The following CACNA1S variants were observed in gnomAD, a reference collection of about 807,000 sequenced individuals.
CACNA1S encodes calcium voltage-gated channel subunit alpha1 S.
A neutral mutation model predicts 207.4 loss-of-function variants in CACNA1S; 126 were observed. The ratio of observed to expected loss-of-function variants is 0.61; its 90% confidence interval spans 0.53 to 0.70. CACNA1S has a LOEUF of 0.70. CACNA1S is among the 30% of genes least tolerant of loss of function. The pLI is 0.00. For synonymous variants in CACNA1S, 960 were observed against 932.7 expected, an observed-to-expected ratio of 1.03 and a Z score of -0.53; for missense variants, 2,349 against 2,422.8, an observed-to-expected ratio of 0.97 and a Z score of 0.64.
At position 201,074,585 on chromosome 1, in the gene CACNA1S, C is replaced by G; in HGVS notation, c.1984G>C (p.Asp662His). ...LLNVFLAIAV[D>H]NLAEAESLTS... ...AGGCTCTCCGCCTCGGCCAGGTTGT[C>G]CACGGCAATGGCCAGGAAGACATTG... is the stretch of plus-strand genomic sequence containing the variant. Residue 662 changes from aspartate (D) to histidine (H), a missense_variant, in exon 14 of 44, where the codon GAC becomes CAC. Asp to His is a moderately conservative substitution (Grantham distance 81). Transcript: ENST00000362061. 6.2e-7 allele frequency: 1 copy of G among 1,613,846 alleles called. No individual in the cohort carries two copies. The highest frequency in any genetic ancestry group is 8.5e-7 in the Non-Finnish European group (1 of 1,179,784).
At chr1:201,106,706 C>G (rs1662906734) in intron 2 of CACNA1S, among the ~76,000 whole-genome samples, 1 of 152,186 alleles carries the variant, frequency 6.6e-6, no homozygotes, top group South Asian at 2.1e-4. Flanking sequence ...CCCCTCCACC[C>G]TCACCATCCC....
In CACNA1S at chr1:201,053,663, T is replaced by G. The variant is rs1283519478; in HGVS notation, c.3667-76A>C. 16 of 1,460,992 alleles carry G rather than the reference T, an allele frequency of 1.1e-5. No individual in the cohort carries two copies. The highest frequency in any genetic ancestry group is 1.4e-5 in the Non-Finnish European group (15 of 1,050,062). 90.5% of individuals were successfully genotyped at this position (1,460,992 alleles called of 1,614,324 possible). ...GTAAGGGGCAGGGCGGGGAGGGAGG[T>G]GCACTGTGTGTTTTGGGGAGATGTT... On this transcript the variant is annotated intron_variant, in intron 29 of 43. Coordinates refer to ENST00000362061, the MANE Select transcript of CACNA1S (RefSeq NM_000069.3). This position sits in a 1 kb window ranked among gnomAD's most constrained non-coding sequence, Gnocchi z 5.1.
At chr1:201,105,387 G>A (rs749990198) in intron 2 of CACNA1S, among the ~76,000 whole-genome samples, 7 of 152,180 alleles carry the variant, frequency 4.6e-5, no homozygotes, top group Non-Finnish European at 1.5e-5. Flanking sequence ...CCTCTCTCAA[G>A]TATACAATAT....
chr1:201,073,793 C>A, intron 14 of CACNA1S, 151 bp from the exon 15 acceptor site: 1 of 769,960 alleles, frequency 1.3e-6, no homozygotes, highest in East Asian at 2.5e-5. Flanking sequence ...GGGCAGTGGG[C>A]TCAGGCAAGT....
rs1663146674 is a variant in CACNA1S, at chr1:201,112,224, G to A, written c.116C>T (p.Pro39Leu). The A allele has an allele frequency of 1.2e-6, 2 of 1,613,936 alleles. No homozygotes were observed. Among genetic ancestry groups the A allele is most frequent in the Non-Finnish European group, 1.7e-6 (2 of 1,179,966 alleles). The change falls in exon 1 of 44, where the codon CCC (proline) becomes CTC (leucine). Residue 39 changes from proline (P) to leucine (L), a missense_variant. By Grantham distance (98) the Pro-to-Leu change is moderately conservative (BLOSUM62 -3). Transcript: ENST00000362061. ...RALFCLTLEN[P>L]LRKACISIVE... ...AATGCTGATGCAGGCCTTCCTCAGG[G>A]GGTTCTCCAGGGTCAGGCAGAACAA...
In CACNA1S at chr1:201,112,415, G is replaced by A. The variant is rs995451223; in HGVS notation, c.-76C>T. The A allele has an allele frequency of 1.8e-4, 292 of 1,608,122 alleles. No homozygotes were observed. The highest frequency in any genetic ancestry group is 4.5e-4 in the Admixed American group (27 of 59,964). ...CCTTCCCTGTGTCCCCAATGCCCCC[G>A]CCTTGGGGACTAGGCTGGCTGAGGC... is the stretch of plus-strand genomic sequence containing the variant. On this transcript the variant is annotated 5_prime_UTR_variant, in exon 1 of 44. Transcript: ENST00000362061.
Position 201,044,321 on chromosome 1 carries a change from C to G in CACNA1S, c.4797+7G>C. The stretch of plus-strand genomic sequence containing the variant: ...GACCACTAGGGGTGCTCCTGGCTCT[C>G]CCTCACCCGGAATATTCCCTCCTCC... On this transcript the variant is annotated splice_region_variant and intron_variant, in intron 39 of 43. Coordinates refer to ENST00000362061, the MANE Select transcript of CACNA1S (RefSeq NM_000069.3). The G allele has an allele frequency of 6.2e-7, 1 of 1,613,288 alleles. No individual in the cohort carries two copies. Among genetic ancestry groups the G allele is most frequent in the East Asian group, 2.2e-5 (1 of 44,824 alleles).
At position 201,059,289 on chromosome 1, in the gene CACNA1S, T is replaced by G. The variant is rs139373152; in HGVS notation, c.3425A>C (p.Gln1142Pro). The change falls in exon 27 of 44, where the codon CAG (glutamine) becomes CCG (proline). Residue 1142 changes from glutamine to proline, a missense_variant. Coordinates refer to ENST00000362061, the MANE Select transcript of CACNA1S (RefSeq NM_000069.3). ...TGAGATGTGGTTCATCTGCTCCGAC[T>G]GGTTGTAGTGCTGTGGAGGGGACAC... is the stretch of plus-strand genomic sequence containing the variant. Reference protein sequence around the residue: ...TICLGMQHYNQSEQMNHISDI... With the variant: ...TICLGMQHYNPSEQMNHISDI... 1.6e-4 allele frequency: 258 copies of G among 1,612,172 alleles called. 2 individuals carry two copies. In the African/African-American group the frequency reaches 2.9e-3, roughly 18 times the overall value.
In CACNA1S at chr1:201,053,159, T is replaced by C. The variant is rs374533806; in HGVS notation, c.3861+50A>G. The C allele has an allele frequency of 2.4e-4, 393 of 1,608,694 alleles. 1 individual carries two copies. The highest frequency in any genetic ancestry group is 1.5e-3 in the Middle Eastern group (9 of 6,056). On this transcript the variant is annotated intron_variant, in intron 31 of 43. Coordinates refer to ENST00000362061, the MANE Select transcript of CACNA1S (RefSeq NM_000069.3). The surrounding 1 kb of genome is among the most constrained non-coding windows in gnomAD (Gnocchi z 5.1). ...CTCCTCAGGGTCCACTGATGCCCCC[T>C]CTAACTTGGCCAAGATCCATGCTTT...
At position 201,039,841 on chromosome 1, in the gene CACNA1S, G is replaced by A. The variant is rs1553247246; in HGVS notation, c.5612C>T (p.Pro1871Leu). The change falls in exon 44 of 44, where the codon CCA becomes CTA. Residue 1871 changes from proline (P) to leucine (L), a missense_variant. By Grantham distance (98) the Pro-to-Leu change is moderately conservative. Coordinates refer to ENST00000362061, the MANE Select transcript of CACNA1S (RefSeq NM_000069.3). ...GATGCTGTGTGGGCATCACAGCCTT[G>A]GAGGAATAAGGGTCTCCTGGGAGCC... The part of the protein sequence containing the change: ...HQGSQETLIP[P>L]RL 1 of 1,605,362 alleles carries A rather than the reference G, an allele frequency of 6.2e-7. No individual in the cohort carries two copies. The highest frequency in any genetic ancestry group is 8.5e-7 in the Non-Finnish European group (1 of 1,180,006).
rs138165996 is a variant in CACNA1S, at chr1:201,091,398, A to AGG, written c.694+240_694+241dup. 0.23 allele frequency among the ~76,000 whole-genome samples: 35,743 copies of AGG among 152,134 alleles called. 4,450 individuals are homozygous for AGG. The highest frequency in any genetic ancestry group is 0.3 in the Middle Eastern group (89 of 292). On this transcript the variant is annotated intron_variant, in intron 5 of 43. Transcript: ENST00000362061. The stretch of plus-strand genomic sequence containing the variant: ...GAACATACCACATTGTATGTGGGGC[A>AGG]GGGGGGTGACGGTGTTTCAGAACCA...
At chr1:201,088,653 G>A (rs1250351873) in intron 6 of CACNA1S, among the ~76,000 whole-genome samples, 2 of 152,146 alleles carry the variant, frequency 1.3e-5, no homozygotes, top group Non-Finnish European at 2.9e-5. Flanking sequence ...CTGAGCCTCA[G>A]TTTCTTTATC....
rs1233887666 is a variant in CACNA1S at position 201,062,463 on chromosome 1, T to A, written c.2905A>T (p.Arg969Trp). 6.8e-6 allele frequency: 11 copies of A among 1,608,932 alleles called. No homozygotes were observed. The highest frequency in any genetic ancestry group is 1.3e-5 in the African/African-American group (1 of 74,796). Residue 969 changes from arginine (R) to tryptophan (W), a missense_variant and splice_region_variant, in exon 23 of 44, where the codon AGG becomes TGG. Coordinates refer to ENST00000362061, the MANE Select transcript of CACNA1S (RefSeq NM_000069.3). ...CACTGTGCTCCCTGCCCCATGTACC[T>A]GCACTCCTCCTCTGTCATCTTGGAC... ...DLSKMTEEEC[R>W]GYYYVYKDGD...
At chr1:201,110,088 C>T (rs892212508) in intron 2 of CACNA1S, 76 bp downstream of exon 2, 1 of 1,300,760 alleles carries the variant, frequency 7.7e-7, no homozygotes, top group Non-Finnish European at 1.1e-6. Flanking sequence ...TCCCCCAGAA[C>T]AGAGTCCACC....
At chr1:201,107,815 G>A (rs1452067983) in intron 2 of CACNA1S, among the ~76,000 whole-genome samples, 4 of 152,164 alleles carry the variant, frequency 2.6e-5, no homozygotes, top group African/African-American at 9.7e-5. Context: ...GGGTATCACC[G>A]ACTTTCTCTG....
At chr1:201,102,535 A>C (rs1662715921) in intron 2 of CACNA1S, among the ~76,000 whole-genome samples, 3 of 152,258 alleles carry the variant, frequency 2.0e-5, no homozygotes, top group Middle Eastern at 3.4e-3. Context: ...CGTGTTGCCC[A>C]GCTCCCACTG....
At chr1:201,101,282 G>A (rs1350697053) in intron 2 of CACNA1S, among the ~76,000 whole-genome samples, 3 of 152,154 alleles carry the variant, frequency 2.0e-5, no homozygotes, top group Non-Finnish European at 4.4e-5. Context: ...GAGGTTCTCT[G>A]GGGTTCCATC....
chr1:201,083,639 G>A (rs747931376), intron 9 of CACNA1S, among the ~76,000 whole-genome samples: 1 of 152,180 alleles, frequency 6.6e-6, no homozygotes, highest in Non-Finnish European at 1.5e-5. Flanking sequence ...GAGATGCCAC[G>A]TTTTGCCCCT....
intron 3 of CACNA1S, among the ~76,000 whole-genome samples, chr1:201,093,042 G>A (rs1662294194): frequency 6.6e-6 from 1 of 152,184 alleles, no homozygotes; most frequent in Admixed American, 6.5e-5. Context: ...TTAAGTGAGA[G>A]GGTACATGTA....
Sources: gnomAD v4.1 joint callset for allele counts (sites outside exome capture counted in the v4.1 genomes callset) on GRCh38, gnomAD v4.1.1 for gene constraint, Gnocchi (gnomAD v3.1) non-coding constraint, MANE v1.5 for transcripts, NCBI Gene and HGNC (gene_info 2026-07-23, HGNC 2026-07-21) for gene names.